The following MTSS1 variants were observed in gnomAD, a reference collection of about 807,000 sequenced individuals.
MTSS1 encodes the protein MTSS I-BAR domain containing 1.
MTSS1 carries 18 observed loss-of-function variants against 79.0 expected under a neutral mutation model. The observed-to-expected ratio is 0.23, with a 90% CI of 0.16 to 0.34. The LOEUF (loss-of-function observed/expected upper bound fraction) is 0.34, where lower values mean the gene tolerates loss of function less well. Among genes scored for constraint, MTSS1 ranks in the 10% least tolerant of loss-of-function variants. The pLI is 1.00. For missense variants in MTSS1, 815 were observed against 986.2 expected, an observed-to-expected ratio of 0.83 and a Z score of 2.33; for synonymous variants, 341 against 368.6, an observed-to-expected ratio of 0.93 and a Z score of 0.86.
At chr8:124,724,337 G>T (rs751780499) in intron 1 of MTSS1, among the ~76,000 whole-genome samples, 5 of 152,152 alleles carry the variant, frequency 3.3e-5, no homozygotes, top group Admixed American at 2.0e-4. Context: ...AAACACAGGT[G>T]GGGGGCGGTG....
chr8:124,625,422 C>A (rs77728698), intron 3 of MTSS1, among the ~76,000 whole-genome samples: 1 of 152,178 alleles, frequency 6.6e-6, no homozygotes, highest in African/African-American at 2.4e-5. Context: ...CTGGCTCATT[C>A]GTGAAGGCAG....
chr8:124,661,838 C>T (rs1184006150), intron 3 of MTSS1, among the ~76,000 whole-genome samples: 2 of 152,180 alleles, frequency 1.3e-5, no homozygotes, highest in African/African-American at 4.8e-5. Context: ...TCACACTGTA[C>T]GGCCCACATC....
chr8:124,569,932 G>A (rs1025715967), intron 6 of MTSS1, among the ~76,000 whole-genome samples: 8 of 152,176 alleles, frequency 5.3e-5, no homozygotes, highest in Non-Finnish European at 1.0e-4. Context: ...CTCGCAGGAA[G>A]GGCCCTGCAG....
chr8:124,580,441 G>A, intron 6 of MTSS1: 1 of 1,194,090 alleles, frequency 8.4e-7, no homozygotes, highest in Non-Finnish European at 1.2e-6. Context: ...TGATTGTTTT[G>A]AGCTGGTAGA....
intron 3 of MTSS1, among the ~76,000 whole-genome samples, chr8:124,642,884 C>T (rs1004365010): frequency 1.1e-4 from 16 of 152,214 alleles, no homozygotes; most frequent in Admixed American, 2.6e-4. Context: ...TGAGCCACTG[C>T]GCCCGGCTCT....
At chr8:124,672,802 C>T (rs1824495036) in intron 3 of MTSS1, among the ~76,000 whole-genome samples, 2 of 151,876 alleles carry the variant, frequency 1.3e-5, no homozygotes, top group Admixed American at 1.3e-4. Flanking sequence ...ACAGCAACAC[C>T]CCATCCTAAA....
intron 3 of MTSS1, among the ~76,000 whole-genome samples, chr8:124,671,444 C>T (rs773729585): frequency 1.3e-5 from 2 of 152,184 alleles, no homozygotes; most frequent in African/African-American, 2.4e-5. Flanking sequence ...AGGAAAGTCA[C>T]GACTTTCTCA....
intron 3 of MTSS1, among the ~76,000 whole-genome samples, chr8:124,672,487 C>G (rs1824420521): frequency 1.3e-5 from 2 of 149,158 alleles, no homozygotes; most frequent in African/African-American, 5.0e-5. Context: ...GAGCAAGACT[C>G]TGCCTCAAAA....
At chr8:124,691,700 G>A (rs1827961026) in intron 3 of MTSS1, among the ~76,000 whole-genome samples, 2 of 152,110 alleles carry the variant, frequency 1.3e-5, no homozygotes, top group Admixed American at 6.5e-5. Flanking sequence ...ATTTTTAGTA[G>A]AGATGGGGTT....
Position 124,727,109 on chromosome 8 carries a change from C to G in MTSS1, c.72+775G>C, listed in dbSNP as rs998289419. Among the ~76,000 whole-genome samples the G allele has an allele frequency of 2.0e-5, 3 of 151,938 alleles. No individual in the cohort carries two copies. The highest frequency in any genetic ancestry group is 7.2e-5 in the African/African-American group (3 of 41,398). On this transcript the variant is annotated intron_variant, in intron 1 of 13. Transcript: ENST00000518547. The surrounding 1 kb of genome is among the most constrained non-coding windows in gnomAD (Gnocchi z 4.7). The stretch of plus-strand genomic sequence containing the variant: ...ACGCGCGCGCGCGCACACACACATG[C>G]ACGCGCGCACACACACACCATCTTC...
chr8:124,671,139 C>T (rs1824116680), intron 3 of MTSS1, among the ~76,000 whole-genome samples: 1 of 152,072 alleles, frequency 6.6e-6, no homozygotes, highest in Admixed American at 6.5e-5. Flanking sequence ...AACTGACCTC[C>T]CTTCCACATC....
At chr8:124,587,942 C>T (rs910688362) in intron 5 of MTSS1, among the ~76,000 whole-genome samples, 6 of 152,158 alleles carry the variant, frequency 3.9e-5, no homozygotes, top group African/African-American at 1.2e-4. Flanking sequence ...AGACTGATTT[C>T]CAATAACAAT....
intron 3 of MTSS1, among the ~76,000 whole-genome samples, chr8:124,624,181 G>T: frequency 6.6e-6 from 1 of 152,176 alleles, no homozygotes. Context: ...TAGGACAGAA[G>T]AAGAAGACAG....
intron 3 of MTSS1, among the ~76,000 whole-genome samples, chr8:124,594,039 A>C (rs1267131758): frequency 6.6e-6 from 1 of 152,232 alleles, no homozygotes; most frequent in Non-Finnish European, 1.5e-5. Context: ...TAGGGAGTTC[A>C]GGGATGGAGA....
At chr8:124,665,001 T>C (rs1049588024) in intron 3 of MTSS1, among the ~76,000 whole-genome samples, 2 of 152,198 alleles carry the variant, frequency 1.3e-5, no homozygotes, top group African/African-American at 4.8e-5. Flanking sequence ...CTACATAAAC[T>C]AAAGGTACAA....
At chr8:124,690,300 A>G (rs1358212785) in intron 3 of MTSS1, among the ~76,000 whole-genome samples, 1 of 152,214 alleles carries the variant, frequency 6.6e-6, no homozygotes, top group Non-Finnish European at 1.5e-5. Context: ...GGGAAACCCC[A>G]TTGAATGGAG....
chr8:124,564,232 A>C (rs1023259678), intron 9 of MTSS1, among the ~76,000 whole-genome samples: 1 of 152,120 alleles, frequency 6.6e-6, no homozygotes, highest in Non-Finnish European at 1.5e-5. Context: ...GAGCTGAAAT[A>C]AAAAGAGCAG....
intron 3 of MTSS1, among the ~76,000 whole-genome samples, chr8:124,679,115 C>T (rs1825751637): frequency 6.6e-6 from 1 of 152,212 alleles, no homozygotes; most frequent in Non-Finnish European, 1.5e-5. Flanking sequence ...AGATCCGAAT[C>T]CTAGAGGAGG....
chr8:124,727,695 C>G lies in MTSS1; in HGVS notation c.72+189G>C. The G allele has an allele frequency of 1.5e-6, 1 of 673,660 alleles. No individual in the cohort carries two copies. The highest frequency in any genetic ancestry group is 2.7e-6 in the Non-Finnish European group (1 of 368,724). 41.7% of individuals were successfully genotyped at this position (673,660 alleles called of 1,614,324 possible). A position where few individuals can be genotyped will look rare whatever the true frequency, so the allele number is the denominator to read the frequency against. The stretch of plus-strand genomic sequence containing the variant: ...GACACCCCCCAGAGAAGCCACCCGC[C>G]CAGTGACCCCGCAGAGCCCGGAGCA... On this transcript the variant is annotated intron_variant, in intron 1 of 13. Transcript: ENST00000518547. This position sits in a 1 kb window ranked among gnomAD's most constrained non-coding sequence, Gnocchi z 4.7.
Sources: gnomAD v4.1 joint callset for allele counts (sites outside exome capture counted in the v4.1 genomes callset) on GRCh38, gnomAD v4.1.1 for gene constraint, Gnocchi (gnomAD v3.1) non-coding constraint, MANE v1.5 for transcripts, NCBI Gene and HGNC (gene_info 2026-07-23, HGNC 2026-07-21) for gene names.